The following C18orf63 variants were observed in gnomAD, a reference collection of about 807,000 sequenced individuals.
The protein encoded by C18orf63 is uncharacterized protein C18orf63.
C18orf63 carries 50 observed loss-of-function variants against 75.3 expected under a neutral mutation model. That is an observed-to-expected ratio of 0.66 (90% CI 0.53 to 0.84). The LOEUF is 0.84. Among genes scored for constraint, C18orf63 ranks in the 40% least tolerant of loss-of-function variants. The pLI, the probability that C18orf63 is intolerant of heterozygous loss-of-function variation, is 0.00. For synonymous variants in C18orf63, 232 were observed against 267.6 expected, an observed-to-expected ratio of 0.87 and a Z score of 1.30; for missense variants, 732 against 800.2, an observed-to-expected ratio of 0.91 and a Z score of 1.03.
chr18:74,317,809 C>CT, intron 1 of C18orf63, 25 bp from the exon 2 acceptor site: 14 of 1,408,134 alleles, frequency 9.9e-6, no homozygotes, highest in South Asian at 7.4e-5. Context: ...AATTTACTAC[C>CT]TTTTTTTGCT....
rs1200922911 is a variant in C18orf63 at position 74,320,545 on chromosome 18, C to T, written c.167C>T (p.Thr56Ile). 7 of 1,534,240 alleles carry T rather than the reference C, an allele frequency of 4.6e-6. No individual in the cohort carries two copies. Among genetic ancestry groups the T allele is most frequent in the Non-Finnish European group, 6.1e-6 (7 of 1,145,744 alleles). ...QLLFLHQDIL[T>I]SPVSGILNQI... ...CTGTTTTTGCATCAAGATATTCTTA[C>T]ATCACCTGTGTCTGGAATATTAAAC... Residue 56 changes from threonine to isoleucine, a missense_variant, in exon 3 of 14, where the codon ACA becomes ATA. Transcript: ENST00000579455.
At chr18:74,338,266 G>C (rs888964589) in intron 7 of C18orf63, among the ~76,000 whole-genome samples, 5 of 152,094 alleles carry the variant, frequency 3.3e-5, no homozygotes, top group African/African-American at 9.7e-5. Flanking sequence ...TATAAAAGGA[G>C]ACTGGAGCAT....
intron 8 of C18orf63, among the ~76,000 whole-genome samples, chr18:74,341,580 C>G (rs1386356101): frequency 6.6e-6 from 1 of 151,894 alleles, no homozygotes; most frequent in Non-Finnish European, 1.5e-5. Flanking sequence ...GCGGCTAAGG[C>G]AGGAGAATCG....
At chr18:74,316,935 A>G (rs979585115) in intron 1 of C18orf63, among the ~76,000 whole-genome samples, 1 of 152,208 alleles carries the variant, frequency 6.6e-6, no homozygotes, top group African/African-American at 2.4e-5. Context: ...AAGATTGGCA[A>G]AACGGGAGGA....
intron 11 of C18orf63, among the ~76,000 whole-genome samples, chr18:74,348,339 AC>A (rs916618074): frequency 2.7e-4 from 41 of 151,902 alleles, no homozygotes; most frequent in African/African-American, 9.7e-4. Context: ...TGTCCTATAA[AC>A]CTGTGGTTAT....
At chr18:74,323,094 A>G (rs1015361786) in intron 4 of C18orf63, among the ~76,000 whole-genome samples, 4 of 152,234 alleles carry the variant, frequency 2.6e-5, no homozygotes, top group Non-Finnish European at 5.9e-5. Context: ...GAGAAATAAA[A>G]TACTATAGAT....
chr18:74,353,819 T>C lies in C18orf63; in HGVS notation c.1552T>C (p.Ser518Pro). 6.5e-7 allele frequency: 1 copy of C among 1,535,474 alleles called. No homozygotes were observed. The highest frequency in any genetic ancestry group is 1.2e-5 in the South Asian group (1 of 84,030). ...ACCTCTGCAAGAAAAAAATACAGAG[T>C]CTTCTGAAAATATGACAAAATTTCC... is the stretch of plus-strand genomic sequence containing the variant. The part of the protein sequence containing the change: ...SRPLQEKNTE[S>P]SENMTKFPSS... The change falls in exon 12 of 14, where the codon TCT becomes CCT. Residue 518 changes from serine (S) to proline (P), a missense_variant. Physicochemically the swap from Ser to Pro is moderately conservative, Grantham distance 74 (BLOSUM62 -1). Coordinates refer to ENST00000579455, the MANE Select transcript of C18orf63 (RefSeq NM_001174123.2).
chr18:74,344,084 G>A (rs1019446891), intron 11 of C18orf63, among the ~76,000 whole-genome samples: 1 of 152,000 alleles, frequency 6.6e-6, no homozygotes, highest in Non-Finnish European at 1.5e-5. Flanking sequence ...AAGTAAGTTG[G>A]GGCTTCTATG....
chr18:74,330,210 A>G (rs1984281972), intron 6 of C18orf63, among the ~76,000 whole-genome samples: 1 of 152,216 alleles, frequency 6.6e-6, no homozygotes, highest in Non-Finnish European at 1.5e-5. Flanking sequence ...TTGAAATGTA[A>G]TACACAAATT....
intron 8 of C18orf63, among the ~76,000 whole-genome samples, chr18:74,339,330 A>G (rs1984441686): frequency 6.6e-6 from 1 of 152,128 alleles, no homozygotes; most frequent in Non-Finnish European, 1.5e-5. Context: ...GGTAGAAAAC[A>G]TAGGTTTGAC....
chr18:74,347,620 A>G (rs879691937), intron 11 of C18orf63, among the ~76,000 whole-genome samples: 2 of 152,218 alleles, frequency 1.3e-5, no homozygotes, highest in Admixed American at 1.3e-4. Context: ...AACACATAGA[A>G]AAGTTTCTTG....
At chr18:74,345,235 T>C (rs1440255452) in intron 11 of C18orf63, among the ~76,000 whole-genome samples, 1 of 151,930 alleles carries the variant, frequency 6.6e-6, no homozygotes, top group African/African-American at 2.4e-5. Flanking sequence ...GTTTGTTTGT[T>C]TTTTTATTGA....
intron 11 of C18orf63, among the ~76,000 whole-genome samples, chr18:74,349,671 C>A (rs897995797): frequency 6.6e-6 from 1 of 152,070 alleles, no homozygotes; most frequent in African/African-American, 2.4e-5. Context: ...AAAACCATCC[C>A]CCCCACCACC....
chr18:74,328,997 A>G lies in C18orf63; in HGVS notation c.385A>G (p.Arg129Gly). 1 of 1,492,024 alleles carries G rather than the reference A, an allele frequency of 6.7e-7. No individual in the cohort carries two copies. The highest frequency in any genetic ancestry group is 9.0e-7 in the Non-Finnish European group (1 of 1,106,850). The allele number at this position is 1,492,024 out of a possible 1,614,324, so 92.4% of individuals were successfully genotyped here. The change falls in exon 6 of 14, where the codon AGA becomes GGA. Residue 129 changes from arginine (R) to glycine (G), a missense_variant and splice_region_variant. Around this residue, in one of 3 missense-constraint regions of C18orf63, gnomAD observed 233 missense variants for 272.7 expected, o/e 0.85. Transcript: ENST00000579455. ...NRTGHLLIQG[R>G]DFLSQMGKQS... ...GCATATTCTATGAATTTTTTAAGGA[A>G]GAGATTTTCTTTCTCAGATGGGAAA...
intron 7 of C18orf63, among the ~76,000 whole-genome samples, chr18:74,331,508 G>A (rs1984306666): frequency 6.6e-6 from 1 of 152,180 alleles, no homozygotes; most frequent in Non-Finnish European, 1.5e-5. Context: ...GTTGAGGGCA[G>A]GGAAATGAAT....
intron 3 of C18orf63, 116 bp downstream of exon 3, chr18:74,320,707 A>C: frequency 1.7e-6 from 1 of 599,170 alleles, no homozygotes; most frequent in Non-Finnish European, 2.8e-6. Context: ...TTGATTAATC[A>C]CAATGTGTTA....
intron 7 of C18orf63, among the ~76,000 whole-genome samples, chr18:74,335,628 C>T (rs895596913): frequency 6.6e-6 from 1 of 152,078 alleles, no homozygotes; most frequent in East Asian, 1.9e-4. Context: ...TAATATTAAA[C>T]TGTTTGCTTT....
In C18orf63 at chr18:74,357,144, C is replaced by T. The variant is rs1468994616; in HGVS notation, c.*697C>T. 6.6e-6 allele frequency: 1 copy of T among 152,160 alleles called. No individual in the cohort carries two copies. Among genetic ancestry groups the T allele is most frequent in the East Asian group, 1.9e-4 (1 of 5,194 alleles). The allele number at this position is 152,160 out of a possible 1,614,324, so 9.4% of individuals were successfully genotyped here. ...CTGAATAAATGTAAAAGCTATTTCT[C>T]AACAAAACTGGAGCCTTTATTGGGG... is the stretch of plus-strand genomic sequence containing the variant. On this transcript the variant is annotated 3_prime_UTR_variant, in exon 14 of 14. Transcript: ENST00000579455.
intron 10 of C18orf63, among the ~76,000 whole-genome samples, chr18:74,343,064 T>C (rs1279176822): frequency 1.3e-5 from 2 of 152,176 alleles, no homozygotes; most frequent in African/African-American, 2.4e-5. Context: ...CTACAGAATA[T>C]GTTTCATCAG....
Sources: allele counts gnomAD v4.1 joint callset (sites outside exome capture counted in the v4.1 genomes callset), GRCh38; gene constraint gnomAD v4.1.1; regional missense constraint gnomAD v4.1.1; transcripts MANE v1.5; gene names NCBI Gene and HGNC (gene_info 2026-07-23, HGNC 2026-07-21).